TIMP3: variants seen among roughly 807,000 people sequenced by gnomAD.
TIMP3 encodes metalloproteinase inhibitor 3.
A neutral mutation model predicts 30.0 loss-of-function variants in TIMP3; 11 were observed. That is an observed-to-expected ratio of 0.37 (90% CI 0.23 to 0.61). The LOEUF is 0.61. Ranked by LOEUF, TIMP3 falls within the 20% of genes least tolerant of loss-of-function variation. The pLI is 0.70. For missense variants in TIMP3, 181 were observed against 276.8 expected, an observed-to-expected ratio of 0.65 and a Z score of 2.45; for synonymous variants, 112 against 111.3, an observed-to-expected ratio of 1.01 and a Z score of -0.04.
At chr22:32,857,193 T>C (rs2048393196) in intron 2 of TIMP3, 56 bp from the exon 3 acceptor site, 1 of 1,323,852 alleles carries the variant, frequency 7.6e-7, no homozygotes, top group African/African-American at 1.5e-5. Flanking sequence ...GGATTAGGGA[T>C]CATACGGGTG....
chr22:32,823,386 C>T (rs898177808), intron 1 of TIMP3, among the ~76,000 whole-genome samples: 1 of 152,070 alleles, frequency 6.6e-6, no homozygotes, highest in Non-Finnish European at 1.5e-5. Flanking sequence ...GGGTGGATGT[C>T]CTCTGCCTCT....
chr22:32,836,215 C>A (rs951158381), intron 1 of TIMP3, among the ~76,000 whole-genome samples: 1 of 152,162 alleles, frequency 6.6e-6, no homozygotes, highest in Non-Finnish European at 1.5e-5. Context: ...GTGTGTCTGT[C>A]TTGTTCACTT....
intron 1 of TIMP3, among the ~76,000 whole-genome samples, chr22:32,842,786 G>A (rs979544135): frequency 1.3e-5 from 2 of 152,124 alleles, no homozygotes; most frequent in African/African-American, 2.4e-5. Context: ...CTAAACAGAT[G>A]ATACGATATA....
At position 32,858,119 on chromosome 22, in the gene TIMP3, A is replaced by G; in HGVS notation, c.419A>G (p.His140Arg). 1 of 1,614,080 alleles carries G rather than the reference A, an allele frequency of 6.2e-7. No individual in the cohort carries two copies. The change falls in exon 4 of 5, where the codon CAC becomes CGC. Residue 140 changes from histidine (H) to arginine (R), a missense_variant. Transcript: ENST00000266085. The part of the protein sequence containing the change: ...SQRKGLNYRY[H>R]LGCNCKIKSC... ...CGCAAGGGGCTGAACTATCGGTATC[A>G]CCTGGGTTGTAACTGCAAGGTAAGC... is the stretch of plus-strand genomic sequence containing the variant.
In TIMP3 at chr22:32,802,075, C is replaced by T; in HGVS notation, c.74C>T (p.Thr25Ile). Residue 25 changes from threonine (T) to isoleucine (I), a missense_variant, in exon 1 of 5, where the codon ACA (threonine) becomes ATA (isoleucine). By Grantham distance (89) the Thr-to-Ile change is moderately conservative (BLOSUM62 -1). Coordinates refer to ENST00000266085, the MANE Select transcript of TIMP3 (RefSeq NM_000362.5). The part of the protein sequence containing the change: ...SLGDWGAEAC[T>I]CSPSHPQDAF... ...GGGGACTGGGGCGCCGAGGCGTGCA[C>T]ATGCTCGCCCAGCCACCCCCAGGAC... 6.3e-7 allele frequency: 1 copy of T among 1,577,772 alleles called. No homozygotes were observed. Among genetic ancestry groups the T allele is most frequent in the Non-Finnish European group, 8.6e-7 (1 of 1,166,768 alleles).
intron 1 of TIMP3, among the ~76,000 whole-genome samples, chr22:32,822,222 G>A (rs974581939): frequency 6.7e-5 from 10 of 150,300 alleles, no homozygotes; most frequent in Non-Finnish European, 8.9e-5. Context: ...CCCCATCTCC[G>A]AGGCTGGCTC....
chr22:32,813,486 TACACACACACACACACACACACAC>T (rs130277), intron 1 of TIMP3, among the ~76,000 whole-genome samples: 5 of 138,286 alleles, frequency 3.6e-5, no homozygotes, highest in African/African-American at 1.1e-4. Context: ...TCTGAAAAGA[TACACACACACACACACACACACAC>T]ACACACACAC....
Position 32,801,808 on chromosome 22 carries a change from C to T in TIMP3, c.-194C>T, listed in dbSNP as rs2046590106. 1 of 522,394 alleles carries T rather than the reference C, an allele frequency of 1.9e-6. No individual in the cohort carries two copies. The highest frequency in any genetic ancestry group is 2.7e-6 in the Non-Finnish European group (1 of 370,432). 32.4% of individuals were successfully genotyped at this position (522,394 alleles called of 1,614,324 possible). A position where few individuals can be genotyped will look rare whatever the true frequency, so the allele number is the denominator to read the frequency against. ...CCGGGAGGCCGCCCGCCGAGTCCTGCGCCAGCGCCGAGGCAGCCTCGCTGC... is the reference window on the plus strand; with the variant it reads ...CCGGGAGGCCGCCCGCCGAGTCCTGTGCCAGCGCCGAGGCAGCCTCGCTGC... On this transcript the variant is annotated 5_prime_UTR_variant, in exon 1 of 5. Coordinates refer to ENST00000266085, the MANE Select transcript of TIMP3 (RefSeq NM_000362.5). This position sits in a 1 kb window ranked among gnomAD's most constrained non-coding sequence, Gnocchi z 4.7.
intron 1 of TIMP3, among the ~76,000 whole-genome samples, chr22:32,827,654 A>G (rs539632369): frequency 1.0e-3 from 158 of 152,296 alleles, no homozygotes; most frequent in African/African-American, 3.7e-3. Context: ...AGTGAACTTT[A>G]AAAAATGTCA....
Position 32,816,135 on chromosome 22 carries a change from T to G in TIMP3, c.121+14013T>G, listed in dbSNP as rs8136323. 6.2e-3 allele frequency among the ~76,000 whole-genome samples: 943 copies of G among 152,258 alleles called. 11 individuals are homozygous for G. Among genetic ancestry groups the G allele is most frequent in the African/African-American group, 0.022 (896 of 41,548 alleles). On this transcript the variant is annotated intron_variant, in intron 1 of 4. Transcript: ENST00000266085. ...AAGTTAAGCAGGGTGGGAAGAACAC[T>G]TGTCCATTCCGCCTTCCCAGTTGGG...
intron 1 of TIMP3, among the ~76,000 whole-genome samples, chr22:32,818,915 C>T (rs1021349852): frequency 2.6e-5 from 4 of 152,288 alleles, no homozygotes; most frequent in East Asian, 1.9e-4. Flanking sequence ...AGCCAGCCAG[C>T]GGGGTCACTT....
chr22:32,844,673 T>C (rs2048010669), intron 1 of TIMP3, among the ~76,000 whole-genome samples: 1 of 152,154 alleles, frequency 6.6e-6, no homozygotes, highest in Non-Finnish European at 1.5e-5. Context: ...GAAATACTGC[T>C]TATTCCTTAA....
intron 2 of TIMP3, among the ~76,000 whole-genome samples, chr22:32,856,274 A>C (rs1237869733): frequency 7.2e-6 from 1 of 139,312 alleles, no homozygotes; most frequent in Non-Finnish European, 1.6e-5. Flanking sequence ...CTGGGATGTC[A>C]GACATGTGTA....
intron 2 of TIMP3, among the ~76,000 whole-genome samples, chr22:32,850,223 T>C (rs2048180869): frequency 6.6e-6 from 1 of 151,684 alleles, no homozygotes; most frequent in Non-Finnish European, 1.5e-5. Flanking sequence ...AGATTTGAAA[T>C]CTAGAGAACC....
intron 2 of TIMP3, among the ~76,000 whole-genome samples, chr22:32,854,208 G>T (rs533474977): frequency 1.3e-5 from 2 of 152,248 alleles, no homozygotes; most frequent in South Asian, 4.1e-4. Context: ...GTTCTTTTCA[G>T]AATTGACCCT....
At position 32,840,471 on chromosome 22, in the gene TIMP3, C is replaced by A. The variant is rs1025005151; in HGVS notation, c.122-8981C>A. Among the ~76,000 whole-genome samples, 8 of 152,172 alleles carry A rather than the reference C, an allele frequency of 5.3e-5. No homozygotes were observed. In the East Asian group the frequency reaches 1.6e-3, roughly 30 times the overall value. On this transcript the variant is annotated intron_variant, in intron 1 of 4. Transcript: ENST00000266085. ...GGGACTTCTCTGAAGAGAGAGAGTT[C>A]CTCTTCACTCAGGCTGCTCGCCGCT...
chr22:32,806,802 CTCTA>C (rs2046753296), intron 1 of TIMP3, among the ~76,000 whole-genome samples: 1 of 150,928 alleles, frequency 6.6e-6, no homozygotes, highest in African/African-American at 2.4e-5. Flanking sequence ...CTATCTATCT[CTCTA>C]TCTAAAATCG....
At position 32,858,007 on chromosome 22, in the gene TIMP3, C is replaced by T. The variant is rs557059377; in HGVS notation, c.317-10C>T. 25 of 1,614,062 alleles carry T rather than the reference C, an allele frequency of 1.5e-5. No individual in the cohort carries two copies. The Middle Eastern group carries it at 6.6e-4, about 42-fold the overall frequency. On this transcript the variant is annotated splice_polypyrimidine_tract_variant and intron_variant, in intron 3 of 4. Coordinates refer to ENST00000266085, the MANE Select transcript of TIMP3 (RefSeq NM_000362.5). ...ACAACCTCTCCTTGTTTTCTTCTTT[C>T]CTCCTGTAGGTCGCGTCTATGATGG...
intron 1 of TIMP3, among the ~76,000 whole-genome samples, chr22:32,802,996 G>C (rs1472092615): frequency 6.6e-6 from 1 of 152,182 alleles, no homozygotes; most frequent in Non-Finnish European, 1.5e-5. Context: ...ACTCCTTAGT[G>C]TGTATGGAGG....
Sources: allele counts gnomAD v4.1 joint callset (sites outside exome capture counted in the v4.1 genomes callset), GRCh38; gene constraint gnomAD v4.1.1; non-coding constraint Gnocchi (gnomAD v3.1); transcripts MANE v1.5; gene names NCBI Gene and HGNC (gene_info 2026-07-23, HGNC 2026-07-21).